Variants in KIAA2012 observed in about 807,000 individuals in gnomAD.
The protein encoded by KIAA2012 is KIAA2012.
A neutral mutation model predicts 150.6 loss-of-function variants in KIAA2012; 125 were observed. The ratio of observed to expected loss-of-function variants is 0.83; its 90% CI spans 0.72 to 0.96. The LOEUF is 0.96. KIAA2012 is among the 40% of genes least tolerant of loss of function. The pLI, the probability that KIAA2012 is intolerant of heterozygous loss-of-function variation, is 0.00. For synonymous variants in KIAA2012, 462 were observed against 504.7 expected (o/e 0.92, Z 1.13); for missense variants, 1,219 against 1,354.9 (o/e 0.90, Z 1.57).
At chr2:202,143,075 A>ATTTTTTTTTTTTTTTTTTTTT (rs59488285) in intron 13 of KIAA2012, among the ~76,000 whole-genome samples, 2 of 124,988 alleles carry the variant, frequency 1.6e-5, no homozygotes, top group Non-Finnish European at 1.6e-5. Context: ...CACTGGTTTA[A>ATTTTTTTTTTTTTTTTTTTTT]TTTTTTTTTT....
chr2:202,109,752 C>A lies in KIAA2012; in HGVS notation c.1614C>A (p.Asn538Lys), dbSNP rs1461330977. The A allele has an allele frequency of 1.9e-6, 3 of 1,550,108 alleles. No individual in the cohort carries two copies. In the Admixed American group the frequency reaches 5.9e-5, roughly 30 times the overall value. ...SDHNSPPSLP[N>K]MRVPRRALPA... is the part of the protein sequence containing the mutation. ...ACAACAGCCCCCCAAGTCTCCCGAA[C>A]ATGAGAGTGCCCAGGAGGGCACTGC... The change falls in exon 10 of 24, where the codon AAC becomes AAA. Residue 538 changes from asparagine (N) to lysine (K), a missense_variant. Transcript: ENST00000498697.
In KIAA2012 at chr2:202,165,349, C is replaced by A. The variant is rs918151019; in HGVS notation, c.2112C>A (p.Asn704Lys). 1.3e-6 allele frequency: 2 copies of A among 1,550,164 alleles called. No individual in the cohort carries two copies. Among genetic ancestry groups the A allele is most frequent in the East Asian group, 4.9e-5 (2 of 40,896 alleles). Reference protein sequence around the residue: ...AGRPLRETHHNDQDPEPRSMT... With the variant: ...AGRPLRETHHKDQDPEPRSMT... ...GACCCCTCAGAGAAACTCACCACAA[C>A]GACCAAGGTACAGACCACTAGGTGG... The change falls in exon 15 of 24, where the codon AAC becomes AAA. Residue 704 changes from asparagine (N) to lysine (K), a missense_variant. Asn to Lys is a moderately conservative substitution (Grantham distance 94). Transcript: ENST00000498697.
rs186305620 is a variant in KIAA2012 at position 202,146,414 on chromosome 2, C to T, written c.1908+7906C>T. Among the ~76,000 whole-genome samples the T allele has an allele frequency of 4.0e-3, 604 of 151,992 alleles. 5 individuals are homozygous for T. Among genetic ancestry groups the T allele is most frequent in the Non-Finnish European group, 5.4e-3 (366 of 67,956 alleles). ...TTGGGAGGCTGAGGTGGGTGGATTA[C>T]GAGGTCAGGAGATGGAGACCATCCT... is the stretch of plus-strand genomic sequence containing the variant. On this transcript the variant is annotated intron_variant, in intron 13 of 23. Transcript: ENST00000498697.
At chr2:202,150,537 C>G (rs1691405406) in intron 13 of KIAA2012, among the ~76,000 whole-genome samples, 1 of 152,152 alleles carries the variant, frequency 6.6e-6, no homozygotes, top group African/African-American at 2.4e-5. Flanking sequence ...TAACGCTCAC[C>G]TCCTGGGTTC....
At chr2:202,106,584 G>T (rs530624204) in intron 9 of KIAA2012, among the ~76,000 whole-genome samples, 1 of 152,228 alleles carries the variant, frequency 6.6e-6, no homozygotes, top group African/African-American at 2.4e-5. Flanking sequence ...CTACTCGGGT[G>T]GCTGAGGCAC....
chr2:202,123,883 T>G (rs1453566829), intron 11 of KIAA2012, among the ~76,000 whole-genome samples: 1 of 151,970 alleles, frequency 6.6e-6, no homozygotes, highest in Non-Finnish European at 1.5e-5. Context: ...CACACCAAAT[T>G]TCCCTTTAAA....
chr2:202,154,721 C>T lies in KIAA2012; in HGVS notation c.1957C>T (p.Gln653Ter). The change falls in exon 14 of 24, where the codon CAA becomes TAA. Residue 653 changes from glutamine to a stop codon, truncating the protein, a stop_gained. Coordinates refer to ENST00000498697, the MANE Select transcript of KIAA2012 (RefSeq NM_001277372.4). LOFTEE classifies it high-confidence loss of function. The part of the protein sequence containing the change: ...EAAAQKTGEP[Q>*]SCINKALICS... ...AGCAGCTCAGAAGACAGGAGAGCCTCAAAGTTGTATAAATAAAGCGCTGAT... is the reference window on the plus strand; with the variant it reads ...AGCAGCTCAGAAGACAGGAGAGCCTTAAAGTTGTATAAATAAAGCGCTGAT... 1.3e-6 allele frequency: 2 copies of T among 1,550,182 alleles called. No homozygotes were observed. The highest frequency in any genetic ancestry group is 2.4e-5 in the South Asian group (2 of 83,926).
At chr2:202,149,108 C>T (rs1254058974) in intron 13 of KIAA2012, among the ~76,000 whole-genome samples, 3 of 152,116 alleles carry the variant, frequency 2.0e-5, no homozygotes, top group Non-Finnish European at 4.4e-5. Context: ...TAGCAGGGGG[C>T]GGGAGGACAG....
chr2:202,181,055 G>C (rs944394008), intron 15 of KIAA2012, among the ~76,000 whole-genome samples: 1 of 152,138 alleles, frequency 6.6e-6, no homozygotes, highest in East Asian at 1.9e-4. Context: ...CGGCAGCTTC[G>C]ATCTCCCAAG....
intron 15 of KIAA2012, among the ~76,000 whole-genome samples, chr2:202,179,044 C>A (rs1236961916): frequency 6.6e-6 from 1 of 152,192 alleles, no homozygotes; most frequent in Non-Finnish European, 1.5e-5. Context: ...TAAATTAATT[C>A]ATGCAAGAAT....
At chr2:202,122,077 G>A (rs540489473) in intron 11 of KIAA2012, among the ~76,000 whole-genome samples, 14 of 152,332 alleles carry the variant, frequency 9.2e-5, no homozygotes, top group African/African-American at 3.1e-4. Context: ...GTGGACTGTG[G>A]AGGGGCTTCA....
chr2:202,181,792 T>C (rs751190738), intron 15 of KIAA2012, among the ~76,000 whole-genome samples: 2 of 152,176 alleles, frequency 1.3e-5, no homozygotes, highest in Admixed American at 6.6e-5. Context: ...TGTTTGTTTT[T>C]ACCGTGTGCT....
At chr2:202,142,137 T>G (rs1313658163) in intron 13 of KIAA2012, among the ~76,000 whole-genome samples, 2 of 152,196 alleles carry the variant, frequency 1.3e-5, no homozygotes, top group Non-Finnish European at 1.5e-5. Context: ...ATATGCATAT[T>G]GAGGCAAACT....
intron 14 of KIAA2012, among the ~76,000 whole-genome samples, chr2:202,163,323 C>T (rs1187559149): frequency 1.3e-5 from 2 of 151,794 alleles, no homozygotes; most frequent in Non-Finnish European, 2.9e-5. Context: ...AGGCTGGTCT[C>T]GAGCTCCTGA....
At chr2:202,195,889 C>G (rs1331097920) in intron 21 of KIAA2012, among the ~76,000 whole-genome samples, 1 of 152,184 alleles carries the variant, frequency 6.6e-6, no homozygotes, top group Non-Finnish European at 1.5e-5. Context: ...AGTGTTCCAT[C>G]ATGTATATAT....
At chr2:202,090,052 A>T (rs1363988571) in intron 2 of KIAA2012, among the ~76,000 whole-genome samples, 1 of 152,196 alleles carries the variant, frequency 6.6e-6, no homozygotes, top group Non-Finnish European at 1.5e-5. Context: ...GTCAACACAA[A>T]TATCACACAT....
In KIAA2012 at chr2:202,100,343, G is replaced by A. The variant is rs1690010204; in HGVS notation, c.1049G>A (p.Ser350Asn). ...QRNVKLHKAR[S>N]SHLLQVLPAE... ...AACGTGAAACTCCACAAGGCCAGAA[G>A]CAGCCACTTGTTACAGGTGCTTCCT... The change falls in exon 7 of 24, where the codon AGC (serine) becomes AAC (asparagine). Residue 350 changes from serine to asparagine, a missense_variant. Transcript: ENST00000498697. The A allele has an allele frequency of 1.9e-6, 3 of 1,550,476 alleles. No individual in the cohort carries two copies. The highest frequency in any genetic ancestry group is 2.6e-6 in the Non-Finnish European group (3 of 1,146,992).
At chr2:202,163,912 A>G (rs1006789584) in intron 14 of KIAA2012, among the ~76,000 whole-genome samples, 5 of 151,568 alleles carry the variant, frequency 3.3e-5, no homozygotes, top group African/African-American at 4.8e-5. Flanking sequence ...ATCATCAGCT[A>G]CAAACACTAA....
chr2:202,166,195 A>T (rs1180415811), intron 15 of KIAA2012, among the ~76,000 whole-genome samples: 1 of 152,236 alleles, frequency 6.6e-6, no homozygotes, highest in Non-Finnish European at 1.5e-5. Context: ...GCTGGATTGC[A>T]TAAAGGTTAT....
Sources: allele counts gnomAD v4.1 joint callset (sites outside exome capture counted in the v4.1 genomes callset), GRCh38; gene constraint gnomAD v4.1.1; transcripts MANE v1.5; gene names NCBI Gene and HGNC (gene_info 2026-07-23, HGNC 2026-07-21).